CACNA1C: variants seen among roughly 807,000 people sequenced by gnomAD.
CACNA1C encodes the protein voltage-dependent L-type calcium channel subunit alpha-1C.
CACNA1C carries 30 observed loss-of-function variants against 229.0 expected under a neutral mutation model. The ratio of observed to expected loss-of-function variants is 0.13; its 90% confidence interval spans 0.10 to 0.18. The LOEUF is 0.18. Among genes scored for constraint, CACNA1C ranks in the 10% least tolerant of loss-of-function variants. The pLI, the probability that CACNA1C is intolerant of heterozygous loss-of-function variation, is 1.00. For synonymous variants in CACNA1C, 1,114 were observed against 1,132.5 expected (o/e 0.98, Z 0.33); for missense variants, 1,658 against 2,845.0 (o/e 0.58, Z 9.49).
At chr12:2,324,836 T>A (rs1280175758) in intron 3 of CACNA1C, among the ~76,000 whole-genome samples, 1 of 152,066 alleles carries the variant, frequency 6.6e-6, no homozygotes, top group African/African-American at 2.4e-5. Flanking sequence ...TTGCTCTCCA[T>A]GTGATGAACT....
At chr12:2,267,126 G>A (rs78155648) in intron 3 of CACNA1C, among the ~76,000 whole-genome samples, 8,802 of 152,156 alleles carry the variant, frequency 0.058, 325 homozygotes, top group African/African-American at 0.095. Context: ...GGTATTGCCC[G>A]GCGCTGTGTT....
chr12:2,209,907 T>C (rs2097865413), intron 3 of CACNA1C, among the ~76,000 whole-genome samples: 1 of 152,234 alleles, frequency 6.6e-6, no homozygotes, highest in South Asian at 2.1e-4. Context: ...AAAATGTGTG[T>C]CTGGTTATGT....
chr12:1,993,528 ACTT>A, intron 1 of CACNA1C: 1 of 1,008,686 alleles, frequency 9.9e-7, no homozygotes, highest in Non-Finnish European at 1.4e-6. Context: ...CTGTACACGT[ACTT>A]CTTCACCACT....
chr12:2,272,141 G>A (rs1390250062), intron 3 of CACNA1C, among the ~76,000 whole-genome samples: 2 of 152,120 alleles, frequency 1.3e-5, no homozygotes, highest in Admixed American at 6.5e-5. Context: ...CTTGTCTGGA[G>A]ATGCAGGCCA....
intron 30 of CACNA1C, among the ~76,000 whole-genome samples, chr12:2,635,859 T>C (rs1276815766): frequency 6.6e-6 from 1 of 152,096 alleles, no homozygotes; most frequent in Admixed American, 6.5e-5. Flanking sequence ...TGTGTGCATG[T>C]GTGTATGTGT....
intron 5 of CACNA1C, among the ~76,000 whole-genome samples, chr12:2,462,688 T>A (rs1262592566): frequency 2.6e-5 from 4 of 152,194 alleles, no homozygotes; most frequent in Non-Finnish European, 5.9e-5. Context: ...ACTAAAATGA[T>A]GTGAGTGGTG....
intron 3 of CACNA1C, among the ~76,000 whole-genome samples, chr12:2,126,920 T>C (rs2090317738): frequency 6.6e-6 from 1 of 152,168 alleles, no homozygotes; most frequent in Non-Finnish European, 1.5e-5. Context: ...GTCACAGTCA[T>C]TGGCACCTTG....
At chr12:2,024,838 C>T (rs2047037355) in intron 1 of CACNA1C, among the ~76,000 whole-genome samples, 1 of 152,222 alleles carries the variant, frequency 6.6e-6, no homozygotes, top group South Asian at 2.1e-4. Flanking sequence ...CCAAAGCAGG[C>T]TGTGGCACCA....
intron 3 of CACNA1C, among the ~76,000 whole-genome samples, chr12:2,156,539 T>C (rs1263379526): frequency 6.6e-6 from 1 of 152,278 alleles, no homozygotes; most frequent in Non-Finnish European, 1.5e-5. Flanking sequence ...TTTGATTCTT[T>C]GGCGCTGGCC....
rs1238738913 is a variant in CACNA1C at position 2,054,636 on chromosome 12, G to A, written c.49+1025G>A. ...GCTTAGCATTTAAGGTTTTGGGGAC[G>A]GGGGGTGCAGACAGGGTGGTCCAGC... is the stretch of plus-strand genomic sequence containing the variant. On this transcript the variant is annotated intron_variant, in intron 1 of 46. Transcript: ENST00000399655. This position sits in a 1 kb window ranked among gnomAD's most constrained non-coding sequence, Gnocchi z 5.5. Among the ~76,000 whole-genome samples, 2 of 151,040 alleles carry A rather than the reference G, an allele frequency of 1.3e-5. No individual in the cohort carries two copies. Among genetic ancestry groups the A allele is most frequent in the East Asian group, 2.1e-4 (1 of 4,856 alleles).
intron 7 of CACNA1C, among the ~76,000 whole-genome samples, chr12:2,502,498 C>G (rs1243631741): frequency 3.3e-5 from 5 of 152,254 alleles, no homozygotes; most frequent in African/African-American, 1.2e-4. Context: ...TCAGTAAACC[C>G]ACGTTCAATT....
chr12:2,403,606 C>T lies in CACNA1C; in HGVS notation c.478-45370C>T, dbSNP rs1424644368. Among the ~76,000 whole-genome samples the T allele has an allele frequency of 2.6e-5, 4 of 151,950 alleles. No individual in the cohort carries two copies. The highest frequency in any genetic ancestry group is 9.7e-5 in the African/African-American group (4 of 41,298). The stretch of plus-strand genomic sequence containing the variant: ...ACCACTCCTGGCAGCTGCTGCGAGA[C>T]AAGATAATTTATAGATGCATTGACA... On this transcript the variant is annotated intron_variant, in intron 3 of 46. Transcript: ENST00000399655. The surrounding 1 kb of genome is among the most constrained non-coding windows in gnomAD (Gnocchi z 4.1).
In CACNA1C at chr12:2,556,942, C is replaced by CG. The variant is rs1308700283; in HGVS notation, c.1482-9_1482-8insG. On this transcript the variant is annotated splice_polypyrimidine_tract_variant and intron_variant, in intron 10 of 46. Coordinates refer to ENST00000399655, the MANE Select transcript of CACNA1C (RefSeq NM_000719.7). ...CATCCTTTGGTAACATTTCCTTTTT[C>CG]TTTTTCAGCCACCGGATCTCCAAGT... The CG allele has an allele frequency of 1.2e-6, 2 of 1,611,672 alleles. No individual in the cohort carries two copies. The highest frequency in any genetic ancestry group is 3.3e-5 in the Admixed American group (2 of 60,002).
chr12:2,634,471 T>C, intron 30 of CACNA1C, 91 bp downstream of exon 30: 1 of 492,300 alleles, frequency 2.0e-6, no homozygotes. Flanking sequence ...TTATTTTCTC[T>C]CCCCACCTTC....
At chr12:2,286,802 G>GT (rs2092746428) in intron 3 of CACNA1C, among the ~76,000 whole-genome samples, 1 of 152,286 alleles carries the variant, frequency 6.6e-6, no homozygotes, top group East Asian at 1.9e-4. Flanking sequence ...CAACTTTTAT[G>GT]TTTTTTCTTA....
chr12:2,665,714 T>C lies in CACNA1C; in HGVS notation c.4526+6T>C. Reference sequence around the variant, plus strand: ...GAGTATGACCCTGAAGCCAAGTAAGTTCCCAGAGGGAAATCCTGATTCCCC... The same window carrying C: ...GAGTATGACCCTGAAGCCAAGTAAGCTCCCAGAGGGAAATCCTGATTCCCC... On this transcript the variant is annotated splice_donor_region_variant and intron_variant, in intron 36 of 46. Transcript: ENST00000399655. The surrounding 1 kb of genome is among the most constrained non-coding windows in gnomAD (Gnocchi z 5.9). The C allele has an allele frequency of 6.2e-7, 1 of 1,610,054 alleles. No homozygotes were observed. Among genetic ancestry groups the C allele is most frequent in the Non-Finnish European group, 8.5e-7 (1 of 1,177,824 alleles).
At chr12:2,195,801 C>T (rs2097382772) in intron 3 of CACNA1C, among the ~76,000 whole-genome samples, 1 of 152,236 alleles carries the variant, frequency 6.6e-6, no homozygotes, top group Non-Finnish European at 1.5e-5. Context: ...GGCTTCCCCT[C>T]AGCCCCAAAC....
intron 7 of CACNA1C, among the ~76,000 whole-genome samples, chr12:2,495,360 CTG>C (rs1239921032): frequency 2.6e-5 from 4 of 152,204 alleles, no homozygotes; most frequent in African/African-American, 4.8e-5. Flanking sequence ...TTGTGTGGGA[CTG>C]TGCTTTGGGG....
At chr12:2,195,642 G>A (rs902570008) in intron 3 of CACNA1C, among the ~76,000 whole-genome samples, 2 of 152,230 alleles carry the variant, frequency 1.3e-5, no homozygotes, top group African/African-American at 4.8e-5. Context: ...TGAAGGCAAG[G>A]AGGACAGATG....
Sources: allele counts gnomAD v4.1 joint callset (sites outside exome capture counted in the v4.1 genomes callset), GRCh38; gene constraint gnomAD v4.1.1; non-coding constraint Gnocchi (gnomAD v3.1); transcripts MANE v1.5; gene names NCBI Gene and HGNC (gene_info 2026-07-23, HGNC 2026-07-21).